ANK1: variants seen among roughly 807,000 people sequenced by gnomAD.
ANK1 encodes ankyrin 1.
A neutral mutation model predicts 210.4 loss-of-function variants in ANK1; 51 were observed. The observed-to-expected ratio is 0.24, with a 90% CI of 0.19 to 0.31. ANK1 has a LOEUF of 0.31. Ranked by LOEUF, ANK1 falls within the 10% of genes least tolerant of loss-of-function variation. The pLI is 1.00. For synonymous variants in ANK1, 967 were observed against 1,025.9 expected (o/e 0.94, Z 1.10); for missense variants, 2,051 against 2,504.4 (o/e 0.82, Z 3.86).
chr8:41,718,748 C>T (rs961719393), intron 10 of ANK1, among the ~76,000 whole-genome samples: 1 of 152,114 alleles, frequency 6.6e-6, no homozygotes, highest in African/African-American at 2.4e-5. Flanking sequence ...GTATCGTTTG[C>T]ACCTCACCCC....
Position 41,841,012 on chromosome 8 carries a change from C to A in ANK1, c.126+55343G>T, listed in dbSNP as rs142238746. Among the ~76,000 whole-genome samples the A allele has an allele frequency of 4.7e-3, 709 of 152,208 alleles. 2 individuals are homozygous for A. The highest frequency in any genetic ancestry group is 8.0e-3 in the Non-Finnish European group (547 of 68,012). Reference sequence around the variant, plus strand: ...GTGGAGGGTCTTTCAGCAATTACTGCGAATCTACCGTGTAACCCATCATCA... The same window carrying A: ...GTGGAGGGTCTTTCAGCAATTACTGAGAATCTACCGTGTAACCCATCATCA... On this transcript the variant is annotated intron_variant, in intron 1 of 42. Coordinates refer to the ANK1 transcript ENST00000265709.
intron 1 of ANK1, among the ~76,000 whole-genome samples, chr8:41,894,320 A>G (rs1286746673): frequency 6.6e-6 from 1 of 152,184 alleles, no homozygotes; most frequent in Non-Finnish European, 1.5e-5. Context: ...GTATGCTGCG[A>G]CCGGCTAGTA....
chr8:41,693,049 A>C, intron 30 of ANK1, 56 bp downstream of exon 30: 1 of 1,546,322 alleles, frequency 6.5e-7, no homozygotes. Context: ...CCTGGACGGC[A>C]GCATAGAGCC....
chr8:41,805,983 G>C (rs561101562), intron 1 of ANK1, among the ~76,000 whole-genome samples: 197 of 152,250 alleles, frequency 1.3e-3, no homozygotes, highest in Non-Finnish European at 2.4e-3. Flanking sequence ...ATTTCTTAAA[G>C]GCTGGTTACA....
rs76625237 is a variant in ANK1 at position 41,817,382 on chromosome 8, T to A, written c.127-59245A>T. Among the ~76,000 whole-genome samples, 191 of 152,264 alleles carry A rather than the reference T, an allele frequency of 1.3e-3. 2 individuals carry two copies. The East Asian group carries it at 0.03, about 24-fold the overall frequency. On this transcript the variant is annotated intron_variant, in intron 1 of 42. Coordinates refer to the ANK1 transcript ENST00000265709. ...TTGCAAACATCTTGAGATGAACAGGTGAGGTTTGGGTACTGGTAAGAAGGC... is the reference window on the plus strand; with the variant it reads ...TTGCAAACATCTTGAGATGAACAGGAGAGGTTTGGGTACTGGTAAGAAGGC...
intron 2 of ANK1, among the ~76,000 whole-genome samples, chr8:41,752,604 C>T (rs571488728): frequency 6.6e-6 from 1 of 152,322 alleles, no homozygotes; most frequent in East Asian, 1.9e-4. Flanking sequence ...CTCCCAGCAT[C>T]CCTCATTTAG....
At chr8:41,671,272 A>C (rs929739814) in intron 38 of ANK1, among the ~76,000 whole-genome samples, 2 of 152,086 alleles carry the variant, frequency 1.3e-5, no homozygotes, top group Admixed American at 6.5e-5. Flanking sequence ...CCTCCTTCAA[A>C]GGGGGTAAGT....
At chr8:41,665,984 A>AC (rs1810405961) in intron 39 of ANK1, among the ~76,000 whole-genome samples, 1 of 152,170 alleles carries the variant, frequency 6.6e-6, no homozygotes, top group South Asian at 2.1e-4. Context: ...GGCTGGAAAA[A>AC]ATTTCACTTT....
chr8:41,790,695 A>G (rs1284766737), intron 1 of ANK1, among the ~76,000 whole-genome samples: 1 of 152,202 alleles, frequency 6.6e-6, no homozygotes, highest in Non-Finnish European at 1.5e-5. Flanking sequence ...AATGCATGCA[A>G]TTAATAGAAG....
intron 1 of ANK1, among the ~76,000 whole-genome samples, chr8:41,780,452 G>C (rs957750373): frequency 2.6e-5 from 4 of 152,236 alleles, no homozygotes; most frequent in African/African-American, 9.6e-5. Context: ...ACTCACCAGA[G>C]AGCCTTCAGC....
intron 1 of ANK1, among the ~76,000 whole-genome samples, chr8:41,881,257 A>G (rs77771603): frequency 0.017 from 2,607 of 152,320 alleles, 39 homozygotes; most frequent in Middle Eastern, 0.037. Context: ...AGAGGCCCAG[A>G]GACACACAGT....
chr8:41,735,630 T>C (rs770146438), intron 2 of ANK1, among the ~76,000 whole-genome samples: 36 of 152,256 alleles, frequency 2.4e-4, no homozygotes, highest in Middle Eastern at 3.4e-3. Flanking sequence ...GCTCTCCCAT[T>C]GTGTCAGGGC....
intron 1 of ANK1, among the ~76,000 whole-genome samples, chr8:41,833,773 C>T (rs1338665964): frequency 6.6e-6 from 1 of 152,136 alleles, no homozygotes. Flanking sequence ...AATCCTGGCA[C>T]TCAAGGAGGT....
At chr8:41,838,564 G>C (rs1330808764) in intron 1 of ANK1, among the ~76,000 whole-genome samples, 2 of 150,382 alleles carry the variant, frequency 1.3e-5, no homozygotes, top group Non-Finnish European at 3.0e-5. Context: ...TCAGGAGTTG[G>C]AGACCAGCCT....
chr8:41,724,699 G>A (rs1249358596), intron 6 of ANK1, 145 bp from the exon 7 acceptor site: 6 of 765,966 alleles, frequency 7.8e-6, no homozygotes, highest in Admixed American at 2.0e-5. Context: ...TTGGTGAGGG[G>A]GTCAAGAGAG....
chr8:41,714,271 C>A lies in ANK1; in HGVS notation c.1702-17G>T, dbSNP rs1265065636. The A allele has an allele frequency of 3.3e-6, 5 of 1,536,240 alleles. No individual in the cohort carries two copies. The highest frequency in any genetic ancestry group is 4.4e-6 in the Non-Finnish European group (5 of 1,132,344). On this transcript the variant is annotated splice_polypyrimidine_tract_variant and intron_variant, in intron 15 of 42. Coordinates refer to ENST00000289734, the MANE Select transcript of ANK1 (RefSeq NM_000037.4). ...CAGGCCATTCTGCAGGGGACAAAGA[C>A]AAAAGAGGCCGGCTGTCACTCCCAC...
upstream of ANK1, among the ~76,000 whole-genome samples, chr8:41,800,171 C>T (rs1391327691): frequency 6.6e-6 from 1 of 152,154 alleles, no homozygotes; most frequent in Non-Finnish European, 1.5e-5. Flanking sequence ...CCTCTCCACT[C>T]CCCCAAACCC....
Position 41,802,745 on chromosome 8 carries a change from C to T in ANK1, c.127-44608G>A, listed in dbSNP as rs141668548. ...GCAACATGGCAAAACCCCATCTCTA[C>T]TAAAAATAGAAAAAAGTAGCCAGGT... On this transcript the variant is annotated intron_variant, in intron 1 of 42. Transcript: ENST00000265709. Among the ~76,000 whole-genome samples, 209 of 151,804 alleles carry T rather than the reference C, an allele frequency of 1.4e-3. 7 individuals carry two copies. In the East Asian group the frequency reaches 0.034, roughly 25 times the overall value.
chr8:41,699,675 T>TCCCAGTCTCCTTGCA, intron 22 of ANK1, 127 bp from the exon 23 acceptor site: 1 of 855,624 alleles, frequency 1.2e-6, no homozygotes, highest in Non-Finnish European at 1.9e-6. Flanking sequence ...GTCTTGATGC[T>TCCCAGTCTCCTTGCA]GCAAGGAGAC....
Sources: allele counts gnomAD v4.1 joint callset (sites outside exome capture counted in the v4.1 genomes callset), GRCh38; gene constraint gnomAD v4.1.1; transcripts MANE v1.5; gene names NCBI Gene and HGNC (gene_info 2026-07-23, HGNC 2026-07-21).